Variants in PTPRD observed in about 807,000 individuals in gnomAD.
PTPRD encodes protein tyrosine phosphatase receptor type D, also known as receptor-type tyrosine-protein phosphatase delta.
Under a neutral mutation model 214.5 loss-of-function variants are expected in PTPRD, and 34 were observed. The ratio of observed to expected loss-of-function variants is 0.16; its 90% confidence interval spans 0.12 to 0.21. The LOEUF is 0.21. Among genes scored for constraint, PTPRD ranks in the 10% least tolerant of loss-of-function variants. The probability of loss-of-function intolerance (pLI) is 1.00; values close to 1 mark genes in which losing one functional copy is unlikely to be tolerated. For missense variants in PTPRD, 2,545 were observed against 2,398.7 expected (o/e 1.06, Z -1.27); for synonymous variants, 1,128 against 845.7 (o/e 1.33, Z -5.79).
intron 16 of PTPRD, 65 bp from the exon 17 acceptor site, chr9:8,526,709 G>T: frequency 7.6e-7 from 1 of 1,318,000 alleles, no homozygotes; most frequent in Non-Finnish European, 1.1e-6. Flanking sequence ...GAAGAAGGAG[G>T]CTAGGGCTGG....
chr9:10,104,102 G>A (rs2098599710), intron 3 of PTPRD, among the ~76,000 whole-genome samples: 1 of 151,644 alleles, frequency 6.6e-6, no homozygotes, highest in South Asian at 2.1e-4. Context: ...CTTATATGAG[G>A]TACCCAGAGT....
chr9:10,017,934 A>G (rs183702123), intron 4 of PTPRD, among the ~76,000 whole-genome samples: 5 of 152,296 alleles, frequency 3.3e-5, no homozygotes, highest in Admixed American at 2.0e-4. Context: ...GAAGTCCCAG[A>G]ACAGCAGGGG....
At position 9,063,169 on chromosome 9, in the gene PTPRD, C is replaced by A. The variant is rs182709402; in HGVS notation, c.-142-44434G>T. Among the ~76,000 whole-genome samples, 111 of 152,138 alleles carry A rather than the reference C, an allele frequency of 7.3e-4. 1 individual carries two copies. The highest frequency in any genetic ancestry group is 1.5e-3 in the South Asian group (7 of 4,814). ...TGGCTCTACTTCAGACTAGCATTGG[C>A]AAATTTTCATAAAACTCTACTTTCT... On this transcript the variant is annotated intron_variant, in intron 10 of 45. Coordinates refer to ENST00000381196, the MANE Select transcript of PTPRD (RefSeq NM_002839.4).
chr9:8,733,699 G>C (rs1008329441), intron 12 of PTPRD, 81 bp downstream of exon 12: 3 of 1,381,494 alleles, frequency 2.2e-6, no homozygotes, highest in Non-Finnish European at 3.0e-6. Flanking sequence ...AATGTATTCA[G>C]AGGCCCTGAG....
At chr9:9,603,413 C>T (rs2093924118) in intron 7 of PTPRD, among the ~76,000 whole-genome samples, 1 of 152,168 alleles carries the variant, frequency 6.6e-6, no homozygotes, top group Non-Finnish European at 1.5e-5. Context: ...TTAGAAATAG[C>T]AAATAAAGGT....
intron 11 of PTPRD, among the ~76,000 whole-genome samples, chr9:8,820,744 C>T (rs1472396737): frequency 6.6e-6 from 1 of 152,022 alleles, no homozygotes; most frequent in South Asian, 2.1e-4. Context: ...CACACACACA[C>T]TTTTTGTGTA....
At chr9:9,724,082 C>T (rs1350020765) in intron 7 of PTPRD, among the ~76,000 whole-genome samples, 1 of 151,998 alleles carries the variant, frequency 6.6e-6, no homozygotes, top group Non-Finnish European at 1.5e-5. Flanking sequence ...TTATTTATGT[C>T]TTCTTTTAAT....
At chr9:9,327,586 C>T (rs2040497209) in intron 9 of PTPRD, among the ~76,000 whole-genome samples, 1 of 152,046 alleles carries the variant, frequency 6.6e-6, no homozygotes, top group African/African-American at 2.4e-5. Context: ...GTAATAACAT[C>T]TTGTATTCAC....
At chr9:8,805,030 T>G (rs2096647561) in intron 11 of PTPRD, among the ~76,000 whole-genome samples, 1 of 152,224 alleles carries the variant, frequency 6.6e-6, no homozygotes, top group Admixed American at 6.5e-5. Context: ...AGCATGCTTT[T>G]GGTAGAAATT....
chr9:9,027,179 G>GT (rs2099590224), intron 10 of PTPRD, among the ~76,000 whole-genome samples: 1 of 151,556 alleles, frequency 6.6e-6, no homozygotes, highest in Non-Finnish European at 1.5e-5. Context: ...TTCCCTCTCT[G>GT]TTTTTCCAGG....
At chr9:9,334,427 C>T (rs965814463) in intron 9 of PTPRD, among the ~76,000 whole-genome samples, 4 of 151,876 alleles carry the variant, frequency 2.6e-5, no homozygotes, top group Non-Finnish European at 5.9e-5. Flanking sequence ...TGTTAATCAC[C>T]TAGTTGATTT....
intron 8 of PTPRD, among the ~76,000 whole-genome samples, chr9:9,429,851 A>G (rs1054624741): frequency 6.6e-6 from 1 of 152,034 alleles, no homozygotes; most frequent in Non-Finnish European, 1.5e-5. Context: ...AAATTCAACA[A>G]CCCTTCATGC....
chr9:10,223,917 C>A (rs1048816364), intron 3 of PTPRD, among the ~76,000 whole-genome samples: 6 of 151,504 alleles, frequency 4.0e-5, no homozygotes, highest in Admixed American at 6.6e-5. Context: ...TAAATGCATA[C>A]TTGTTTAGAC....
chr9:9,974,570 A>C (rs1485596318), intron 4 of PTPRD, among the ~76,000 whole-genome samples: 1 of 152,202 alleles, frequency 6.6e-6, no homozygotes, highest in African/African-American at 2.4e-5. Context: ...TAATCTTTGA[A>C]TCTAGACCTA....
intron 2 of PTPRD, among the ~76,000 whole-genome samples, chr9:10,478,068 G>A (rs2099074660): frequency 1.3e-5 from 2 of 151,760 alleles, no homozygotes; most frequent in South Asian, 4.2e-4. Context: ...ATAGGTGCAG[G>A]AAACCACCAT....
At chr9:10,364,177 A>G (rs2097464116) in intron 2 of PTPRD, among the ~76,000 whole-genome samples, 1 of 150,376 alleles carries the variant, frequency 6.6e-6, no homozygotes, top group Non-Finnish European at 1.5e-5. Flanking sequence ...TTTTTTTTGT[A>G]TTTTTAGTAG....
intron 10 of PTPRD, among the ~76,000 whole-genome samples, chr9:9,180,417 A>T (rs2099927522): frequency 7.4e-6 from 1 of 134,684 alleles, no homozygotes; most frequent in South Asian, 2.5e-4. Flanking sequence ...TGGACACAGG[A>T]AGGGGAACAT....
chr9:10,176,108 A>T (rs1168868847), intron 3 of PTPRD, among the ~76,000 whole-genome samples: 2 of 151,924 alleles, frequency 1.3e-5, no homozygotes, highest in Admixed American at 6.6e-5. Flanking sequence ...TTTTTCTTTG[A>T]GGAGCATAAA....
intron 25 of PTPRD, among the ~76,000 whole-genome samples, 162 bp downstream of exon 25, chr9:8,499,485 A>G (rs1297393556): frequency 1.3e-5 from 2 of 152,212 alleles, no homozygotes; most frequent in African/African-American, 2.4e-5. Flanking sequence ...ACTTGATAGT[A>G]ACTCTGATTG....
Sources: allele counts gnomAD v4.1 joint callset (sites outside exome capture counted in the v4.1 genomes callset), GRCh38; gene constraint gnomAD v4.1.1; transcripts MANE v1.5; gene names NCBI Gene and HGNC (gene_info 2026-07-23, HGNC 2026-07-21).